The following EPHB1 variants were observed in gnomAD, a reference collection of about 807,000 sequenced individuals.
EPHB1 encodes EPH receptor B1.
In EPHB1, 30 loss-of-function variants were observed where a neutral mutation model predicts 94.4. That is an observed-to-expected ratio of 0.32 (90% confidence interval 0.24 to 0.43). The LOEUF (loss-of-function observed/expected upper bound fraction) is 0.43, where lower values mean the gene tolerates loss of function less well. Ranked by LOEUF, EPHB1 falls within the 20% of genes least tolerant of loss-of-function variation. EPHB1 has a pLI of 1.00. For missense variants in EPHB1, 1,055 were observed against 1,308.3 expected, an observed-to-expected ratio of 0.81 and a Z score of 2.99; for synonymous variants, 522 against 489.1, an observed-to-expected ratio of 1.07 and a Z score of -0.89.
intron 3 of EPHB1, among the ~76,000 whole-genome samples, chr3:135,019,203 G>C (rs1224071668): frequency 6.6e-6 from 1 of 152,110 alleles, no homozygotes; most frequent in Non-Finnish European, 1.5e-5. Flanking sequence ...TGTTGGCTGA[G>C]CAAGATTCTT....
intron 15 of EPHB1, among the ~76,000 whole-genome samples, chr3:135,256,001 T>G (rs1325797192): frequency 6.6e-6 from 1 of 150,958 alleles, no homozygotes; most frequent in African/African-American, 2.4e-5. Context: ...TTGATCTTTG[T>G]TGGTTTAAAG....
chr3:135,070,397 C>A (rs1937664646), intron 3 of EPHB1, among the ~76,000 whole-genome samples: 1 of 152,142 alleles, frequency 6.6e-6, no homozygotes, highest in African/African-American at 2.4e-5. Context: ...TGCTTTAGAC[C>A]ATTGGGGCTT....
intron 9 of EPHB1, among the ~76,000 whole-genome samples, chr3:135,171,095 G>A (rs1941790142): frequency 6.6e-6 from 1 of 152,170 alleles, no homozygotes; most frequent in African/African-American, 2.4e-5. Context: ...CACTTGGAGA[G>A]ATGATTAAGC....
chr3:134,806,372 G>A (rs966363420), intron 1 of EPHB1, among the ~76,000 whole-genome samples: 2 of 152,172 alleles, frequency 1.3e-5, no homozygotes, highest in South Asian at 2.1e-4. Context: ...AAGGGGTCAC[G>A]TAGAATTTCT....
At chr3:134,873,148 G>A (rs1175457691) in intron 1 of EPHB1, among the ~76,000 whole-genome samples, 1 of 152,198 alleles carries the variant, frequency 6.6e-6, no homozygotes, top group Non-Finnish European at 1.5e-5. Context: ...GAGATTGAGA[G>A]ATCATGCACA....
intron 11 of EPHB1, among the ~76,000 whole-genome samples, chr3:135,196,633 A>G (rs1042602770): frequency 6.6e-6 from 1 of 152,206 alleles, no homozygotes; most frequent in African/African-American, 2.4e-5. Flanking sequence ...TACAGGGTCC[A>G]TCTTCTGGGA....
intron 3 of EPHB1, among the ~76,000 whole-genome samples, chr3:135,084,525 A>G (rs1378638501): frequency 2.6e-5 from 4 of 152,152 alleles, no homozygotes; most frequent in Non-Finnish European, 4.4e-5. Flanking sequence ...TGCGTGATGG[A>G]TGAATGACAG....
intron 3 of EPHB1, among the ~76,000 whole-genome samples, chr3:135,044,821 G>A (rs566728811): frequency 4.5e-4 from 69 of 152,240 alleles, no homozygotes; most frequent in Middle Eastern, 3.4e-3. Context: ...TACTCATTTC[G>A]AGTACATGTG....
intron 3 of EPHB1, among the ~76,000 whole-genome samples, chr3:135,015,509 T>A (rs1043914930): frequency 1.3e-5 from 2 of 152,186 alleles, no homozygotes; most frequent in Non-Finnish European, 2.9e-5. Flanking sequence ...CCCAAAGTGC[T>A]GGGATTATAG....
chr3:135,079,091 A>G (rs1463478333), intron 3 of EPHB1, among the ~76,000 whole-genome samples: 1 of 151,294 alleles, frequency 6.6e-6, no homozygotes, highest in Non-Finnish European at 1.5e-5. Context: ...ACAAGCAAAA[A>G]AAAAACAAAA....
chr3:135,026,553 G>C (rs1403759835), intron 3 of EPHB1, among the ~76,000 whole-genome samples: 2 of 142,998 alleles, frequency 1.4e-5, no homozygotes, highest in African/African-American at 5.5e-5. Flanking sequence ...TGAGGGCTCT[G>C]TTCTGTTCCA....
chr3:135,149,433 T>C (rs1423448157), intron 5 of EPHB1, among the ~76,000 whole-genome samples: 1 of 152,240 alleles, frequency 6.6e-6, no homozygotes, highest in Admixed American at 6.5e-5. Flanking sequence ...CTTCTTTGAA[T>C]TAATCTTCTC....
chr3:135,016,619 C>T (rs570265341), intron 3 of EPHB1, among the ~76,000 whole-genome samples: 34 of 152,336 alleles, frequency 2.2e-4, no homozygotes, highest in African/African-American at 7.7e-4. Context: ...TTCCCATGGC[C>T]ACCCAGTGCA....
chr3:135,130,389 C>T (rs1940376223), intron 4 of EPHB1, among the ~76,000 whole-genome samples: 1 of 152,186 alleles, frequency 6.6e-6, no homozygotes, highest in Non-Finnish European at 1.5e-5. Flanking sequence ...AAAGGAAAAG[C>T]AGTCATGGCA....
intron 3 of EPHB1, among the ~76,000 whole-genome samples, chr3:134,990,211 G>C (rs1261349648): frequency 6.6e-6 from 1 of 152,176 alleles, no homozygotes; most frequent in East Asian, 1.9e-4. Context: ...TATAGCTATA[G>C]AGAAGTCTGA....
chr3:134,893,424 T>C (rs532439096), intron 1 of EPHB1, among the ~76,000 whole-genome samples: 1 of 152,276 alleles, frequency 6.6e-6, no homozygotes, highest in South Asian at 2.1e-4. Context: ...AACCTTAATG[T>C]GGCCTGCAAG....
intron 1 of EPHB1, among the ~76,000 whole-genome samples, chr3:134,849,935 C>A (rs1287977870): frequency 6.6e-6 from 1 of 152,114 alleles, no homozygotes; most frequent in African/African-American, 2.4e-5. Flanking sequence ...GGGAAAAGGA[C>A]CATCATCCTG....
chr3:134,923,421 C>A (rs2038727819), intron 1 of EPHB1, among the ~76,000 whole-genome samples: 1 of 152,178 alleles, frequency 6.6e-6, no homozygotes, highest in Non-Finnish European at 1.5e-5. Flanking sequence ...CTGAACCCTG[C>A]TTATATCCCA....
At chr3:135,059,765 G>A (rs1204341419) in intron 3 of EPHB1, among the ~76,000 whole-genome samples, 2 of 152,192 alleles carry the variant, frequency 1.3e-5, no homozygotes, top group Non-Finnish European at 2.9e-5. Flanking sequence ...ACTTGAACAG[G>A]CCCTGAGACA....
Sources: gnomAD v4.1 joint callset for allele counts (sites outside exome capture counted in the v4.1 genomes callset) on GRCh38, gnomAD v4.1.1 for gene constraint, MANE v1.5 for transcripts, NCBI Gene and HGNC (gene_info 2026-07-23, HGNC 2026-07-21) for gene names.